The following CRNKL1 variants were observed in gnomAD, a reference collection of about 807,000 sequenced individuals.
CRNKL1 encodes crooked neck-like protein 1.
CRNKL1 carries 35 observed loss-of-function variants against 103.7 expected under a neutral mutation model. The ratio of observed to expected loss-of-function variants is 0.34; its 90% CI spans 0.26 to 0.45. The LOEUF (loss-of-function observed/expected upper bound fraction) is 0.45. Among genes scored for constraint, CRNKL1 ranks in the 20% least tolerant of loss-of-function variants. The pLI, the probability that CRNKL1 is intolerant of heterozygous loss-of-function variation, is 1.00. For synonymous variants in CRNKL1, 267 were observed against 282.6 expected (o/e 0.94, Z 0.55); for missense variants, 645 against 836.0 (o/e 0.77, Z 2.82).
In CRNKL1 at chr20:20,039,778, C is replaced by T; in HGVS notation, c.1376G>A (p.Arg459Gln). 1 of 1,614,158 alleles carries T rather than the reference C, an allele frequency of 6.2e-7. No individual in the cohort carries two copies. Among genetic ancestry groups the T allele is most frequent in the Non-Finnish European group, 8.5e-7 (1 of 1,180,016 alleles). Reference protein sequence around the residue: ...KVYIELELQLREFDRCRKLYE... With the variant: ...KVYIELELQLQEFDRCRKLYE... ...AAGCTTCCGGCATCTGTCAAATTCT[C>T]GAAGCTGTAGCTCCAATTCTATGTA... is the stretch of plus-strand genomic sequence containing the variant. The change falls in exon 11 of 14, where the codon CGA becomes CAA. Residue 459 changes from arginine to glutamine, a missense_variant. By Grantham distance (43) the Arg-to-Gln change is conservative (BLOSUM62 1). This residue lies in a region of CRNKL1 where 582 missense variants were observed against 707.7 expected (regional missense o/e 0.82). Coordinates refer to ENST00000536226, the MANE Select transcript of CRNKL1 (RefSeq NM_001278628.2).
chr20:20,054,009 G>GTTTTTTTTT (rs1491456523), upstream of CRNKL1, among the ~76,000 whole-genome samples: 3 of 88,850 alleles, frequency 3.4e-5, no homozygotes, highest in African/African-American at 1.2e-4. Context: ...TGTTTTTTTT[G>GTTTTTTTTT]TTTGTTTTTT....
In CRNKL1 at chr20:20,048,565, A is replaced by G. The variant is rs538492460; in HGVS notation, c.297-64T>C. 8.2e-5 allele frequency: 127 copies of G among 1,547,836 alleles called. 2 individuals are homozygous for G. The East Asian group carries it at 1.2e-3, about 14-fold the overall frequency. On this transcript the variant is annotated intron_variant, in intron 3 of 13. Transcript: ENST00000536226. ...ATTCAACACATGTAGCAGTTATTTCAAACTATCTGGAATGCACTGATGTTT... is the reference window on the plus strand; with the variant it reads ...ATTCAACACATGTAGCAGTTATTTCGAACTATCTGGAATGCACTGATGTTT...
upstream of CRNKL1, among the ~76,000 whole-genome samples, chr20:20,054,776 T>C (rs761193157): frequency 2.0e-5 from 3 of 152,264 alleles, no homozygotes; most frequent in African/African-American, 7.2e-5. Flanking sequence ...TTATAGACAG[T>C]CTGTCTTTTG....
At chr20:20,042,012 A>G (rs2043522001) in intron 8 of CRNKL1, among the ~76,000 whole-genome samples, 1 of 152,236 alleles carries the variant, frequency 6.6e-6, no homozygotes, top group African/African-American at 2.4e-5. Context: ...ATTAATGAGC[A>G]AATCCAGGAA....
intron 6 of CRNKL1, 138 bp downstream of exon 6, chr20:20,045,170 T>C: frequency 1.5e-6 from 1 of 651,438 alleles, no homozygotes. Context: ...CTGTTCTCTG[T>C]GAGAAGCTGT....
chr20:20,049,711 T>C (rs1300189450), intron 2 of CRNKL1, among the ~76,000 whole-genome samples: 1 of 152,242 alleles, frequency 6.6e-6, no homozygotes, highest in African/African-American at 2.4e-5. Context: ...ATAACAGCAT[T>C]AGTGCTTTAA....
At chr20:20,041,844 C>G (rs974129661) in intron 8 of CRNKL1, among the ~76,000 whole-genome samples, 1 of 152,192 alleles carries the variant, frequency 6.6e-6, no homozygotes, top group African/African-American at 2.4e-5. Flanking sequence ...AACTTCTAAG[C>G]CCTTCTTTGT....
Position 20,048,524 on chromosome 20 carries a change from G to A in CRNKL1, c.297-23C>T, listed in dbSNP as rs960932496. 5 of 1,611,596 alleles carry A rather than the reference G, an allele frequency of 3.1e-6. No homozygotes were observed. In the Admixed American group the frequency reaches 5.0e-5, roughly 16 times the overall value. On this transcript the variant is annotated intron_variant, in intron 3 of 13. Coordinates refer to ENST00000536226, the MANE Select transcript of CRNKL1 (RefSeq NM_001278628.2). ...GCCCTTAAGAAGCAAGATTTGCAGG[G>A]CATCAAAAATAGAGCATTCAACACA...
Position 20,049,374 on chromosome 20 carries a change from C to T in CRNKL1, c.262G>A (p.Ala88Thr), listed in dbSNP as rs781077783. 9 of 1,602,482 alleles carry T rather than the reference C, an allele frequency of 5.6e-6. No individual in the cohort carries two copies. Among genetic ancestry groups the T allele is most frequent in the African/African-American group, 4.0e-5 (3 of 74,570 alleles). The change falls in exon 3 of 14, where the codon GCA (alanine) becomes ACA (threonine). Residue 88 changes from alanine to threonine, a missense_variant. Ala to Thr is a moderately conservative substitution (Grantham distance 58, BLOSUM62 0). Transcript: ENST00000536226. ...TCCTTTAGGCTTTCTTCCCATTGTG[C>T]GTATTTTATCCAGTTACTAATCACA... ...RTVISNWIKY[A>T]QWEESLKEIQ...
At chr20:20,043,454 G>A (rs781166278) in intron 7 of CRNKL1, 38 bp downstream of exon 7, 1 of 1,591,022 alleles carries the variant, frequency 6.3e-7, no homozygotes, top group Non-Finnish European at 8.6e-7. Context: ...GCACATCTTG[G>A]GTTATCTGCA....
At chr20:20,055,747 A>G (rs1366008812), upstream of CRNKL1, among the ~76,000 whole-genome samples, 1 of 152,214 alleles carries the variant, frequency 6.6e-6, no homozygotes, top group African/African-American at 2.4e-5. Context: ...CAGAACAAGG[A>G]ATGACAATAT....
rs1214522773 is a variant in CRNKL1, at chr20:20,052,441, A to G, written c.-99T>C. On this transcript the variant is annotated 5_prime_UTR_variant, in exon 1 of 14. Transcript: ENST00000536226. ...ACCACAAAGCTTTCAGAAAACAAAC[A>G]GGATCTCGGAACCGGAAGCGGAACT... The G allele has an allele frequency of 6.8e-6, 11 of 1,614,100 alleles. No individual in the cohort carries two copies. The highest frequency in any genetic ancestry group is 9.3e-6 in the Non-Finnish European group (11 of 1,180,048).
intron 5 of CRNKL1, among the ~76,000 whole-genome samples, chr20:20,047,336 T>C (rs1170208870): frequency 1.3e-5 from 2 of 152,218 alleles, no homozygotes; most frequent in Non-Finnish European, 2.9e-5. Flanking sequence ...ATTATTTATA[T>C]AACATTTACA....
chr20:20,052,092 C>G (rs923507772), intron 1 of CRNKL1, among the ~76,000 whole-genome samples, 200 bp downstream of exon 1: 1 of 152,210 alleles, frequency 6.6e-6, no homozygotes, highest in African/African-American at 2.4e-5. Flanking sequence ...AAAACCACCC[C>G]AGAACGAAGG....
At position 20,050,524 on chromosome 20, in the gene CRNKL1, T is replaced by C; in HGVS notation, c.150A>G (p.Gln50=). 3 of 1,614,000 alleles carry C rather than the reference T, an allele frequency of 1.9e-6. No individual in the cohort carries two copies. Among genetic ancestry groups the C allele is most frequent in the Non-Finnish European group, 2.5e-6 (3 of 1,179,894 alleles). The change falls in exon 2 of 14, where the codon CAA becomes CAG. Residue 50 remains glutamine (Q), a synonymous_variant. Coordinates refer to ENST00000536226, the MANE Select transcript of CRNKL1 (RefSeq NM_001278628.2). Reference sequence around the variant, plus strand: ...ATTCTTCTTCATCTGTGATCTTCTGTTGAGGTGGAGGTGGAAGAAGCTCAA... The same window carrying C: ...ATTCTTCTTCATCTGTGATCTTCTGCTGAGGTGGAGGTGGAAGAAGCTCAA... ...RELELLPPPP[Q]QKITDEEELN...
chr20:20,045,704 G>T (rs1383233964), intron 5 of CRNKL1, among the ~76,000 whole-genome samples: 2 of 152,182 alleles, frequency 1.3e-5, no homozygotes, highest in Non-Finnish European at 2.9e-5. Flanking sequence ...GCTTAGTTAA[G>T]ATTTTAGTGG....
intron 10 of CRNKL1, 114 bp downstream of exon 10, chr20:20,040,572 G>A (rs1326975565): frequency 6.4e-6 from 5 of 777,442 alleles, no homozygotes; most frequent in Admixed American, 4.4e-5. Flanking sequence ...AGGCTATAAA[G>A]GTATAATACT....
At chr20:20,041,736 A>T in intron 8 of CRNKL1, 111 bp from the exon 9 acceptor site, 1 of 736,084 alleles carries the variant, frequency 1.4e-6, no homozygotes, top group Non-Finnish European at 2.3e-6. Flanking sequence ...CCAAAACAGC[A>T]TGTTTCACAA....
At chr20:20,040,975 T>C (rs16981459) in intron 9 of CRNKL1, among the ~76,000 whole-genome samples, 7,903 of 152,260 alleles carry the variant, frequency 0.052, 698 homozygotes, top group African/African-American at 0.18. Context: ...AGATACTATA[T>C]TGTACTGCAT....
Sources: allele counts gnomAD v4.1 joint callset (sites outside exome capture counted in the v4.1 genomes callset), GRCh38; gene constraint gnomAD v4.1.1; regional missense constraint gnomAD v4.1.1; transcripts MANE v1.5; gene names NCBI Gene and HGNC (gene_info 2026-07-23, HGNC 2026-07-21).